The following NELL1 variants were observed in gnomAD, a reference collection of about 807,000 sequenced individuals.
The protein encoded by NELL1 is neural EGFL like 1.
A neutral mutation model predicts 107.4 loss-of-function variants in NELL1; 76 were observed. The ratio of observed to expected loss-of-function variants is 0.71; its 90% CI spans 0.59 to 0.86. The LOEUF (loss-of-function observed/expected upper bound fraction) is 0.86, where lower values mean the gene tolerates loss of function less well. Among genes scored for constraint, NELL1 ranks in the 40% least tolerant of loss-of-function variants. The pLI is 0.00. For synonymous variants in NELL1, 353 were observed against 341.2 expected (o/e 1.03, Z -0.38); for missense variants, 1,024 against 1,005.5 (o/e 1.02, Z -0.25).
Position 20,783,928 on chromosome 11 carries a change from A to C in NELL1, c.335+98A>C, listed in dbSNP as rs1856902718. On this transcript the variant is annotated intron_variant, in intron 3 of 19. Coordinates refer to ENST00000357134, the MANE Select transcript of NELL1 (RefSeq NM_006157.5). The stretch of plus-strand genomic sequence containing the variant: ...AGTTTGTAGCCCCATGAAAACTTTC[A>C]TCTAACTGAGGCCTCATTTCTGTTG... The C allele has an allele frequency of 3.4e-6, 4 of 1,189,206 alleles. No individual in the cohort carries two copies. In the Admixed American group the frequency reaches 1.1e-4, roughly 34 times the overall value. The allele number at this position is 1,189,206 out of a possible 1,614,324, so 73.7% of individuals were successfully genotyped here.
intron 15 of NELL1, among the ~76,000 whole-genome samples, chr11:21,481,508 C>T (rs899739275): frequency 1.3e-5 from 2 of 152,058 alleles, no homozygotes; most frequent in Admixed American, 6.6e-5. Flanking sequence ...GGAAACACAC[C>T]CTTATAATTC....
intron 14 of NELL1, among the ~76,000 whole-genome samples, chr11:21,368,260 G>T (rs1467447439): frequency 6.6e-6 from 1 of 151,690 alleles, no homozygotes; most frequent in African/African-American, 2.4e-5. Context: ...AATGTGACTA[G>T]TCTCAGGCAA....
At chr11:20,978,699 T>G (rs1033549275) in intron 12 of NELL1, among the ~76,000 whole-genome samples, 2 of 152,206 alleles carry the variant, frequency 1.3e-5, no homozygotes, top group African/African-American at 4.8e-5. Flanking sequence ...AGCAGAATAC[T>G]TAACCTGGCC....
intron 5 of NELL1, among the ~76,000 whole-genome samples, chr11:20,912,620 C>G (rs1161735558): frequency 6.6e-6 from 1 of 152,098 alleles, no homozygotes; most frequent in African/African-American, 2.4e-5. Context: ...CCAAGGCTCT[C>G]CTGTCTTTGT....
intron 14 of NELL1, among the ~76,000 whole-genome samples, chr11:21,279,168 G>A (rs570898922): frequency 4.8e-4 from 73 of 152,186 alleles, no homozygotes; most frequent in Non-Finnish European, 7.4e-4. Flanking sequence ...TGAAAAACTC[G>A]AACTCCTAGA....
At chr11:21,336,302 G>T (rs1001210747) in intron 14 of NELL1, among the ~76,000 whole-genome samples, 1 of 151,858 alleles carries the variant, frequency 6.6e-6, no homozygotes, top group African/African-American at 2.4e-5. Flanking sequence ...TTTATATACA[G>T]TATCTTATTG....
chr11:20,774,516 C>T (rs1328000992), intron 2 of NELL1, among the ~76,000 whole-genome samples: 1 of 141,798 alleles, frequency 7.1e-6, no homozygotes, highest in Non-Finnish European at 1.6e-5. Context: ...CAGGCATATG[C>T]TACCATGCCT....
intron 13 of NELL1, chr11:21,169,617 T>A: frequency 2.8e-6 from 1 of 356,294 alleles, no homozygotes; most frequent in Non-Finnish European, 5.1e-6. Flanking sequence ...TTTGCATGCA[T>A]TCTTTCCCAT....
intron 15 of NELL1, among the ~76,000 whole-genome samples, chr11:21,497,209 T>C (rs1331978622): frequency 6.7e-6 from 1 of 150,248 alleles, no homozygotes; most frequent in Middle Eastern, 3.2e-3. Flanking sequence ...CTAATGTAAA[T>C]GACGAGTTAA....
At chr11:21,386,276 T>G (rs1195466241) in intron 15 of NELL1, among the ~76,000 whole-genome samples, 1 of 151,862 alleles carries the variant, frequency 6.6e-6, no homozygotes, top group Non-Finnish European at 1.5e-5. Flanking sequence ...TTTTGTTCCT[T>G]TCCTGCTGGT....
chr11:20,699,371 T>A (rs546038717), intron 2 of NELL1, among the ~76,000 whole-genome samples: 87 of 152,050 alleles, frequency 5.7e-4, no homozygotes, highest in Non-Finnish European at 1.0e-3. Context: ...TTCTTTTTCT[T>A]TTTTTTTGAG....
intron 13 of NELL1, among the ~76,000 whole-genome samples, chr11:21,217,947 T>C (rs983045016): frequency 6.6e-6 from 1 of 152,106 alleles, no homozygotes; most frequent in Non-Finnish European, 1.5e-5. Flanking sequence ...AGACTTTCCA[T>C]GGACAGGAAA....
At chr11:21,075,534 A>C (rs1167088712) in intron 12 of NELL1, among the ~76,000 whole-genome samples, 1 of 152,066 alleles carries the variant, frequency 6.6e-6, no homozygotes, top group African/African-American at 2.4e-5. Context: ...GATACACTAC[A>C]ATGGTACAAT....
intron 15 of NELL1, among the ~76,000 whole-genome samples, chr11:21,401,747 A>T (rs549267935): frequency 6.6e-6 from 1 of 151,758 alleles, no homozygotes; most frequent in Non-Finnish European, 1.5e-5. Flanking sequence ...AACATGAGGA[A>T]GCACCAGGAA....
chr11:20,889,999 G>T (rs1442226082), intron 5 of NELL1, among the ~76,000 whole-genome samples: 2 of 152,142 alleles, frequency 1.3e-5, no homozygotes, highest in African/African-American at 4.8e-5. Flanking sequence ...CTCCACCAAT[G>T]GCCAAAATGC....
chr11:21,072,519 G>A (rs1426357213), intron 12 of NELL1, among the ~76,000 whole-genome samples: 2 of 152,138 alleles, frequency 1.3e-5, no homozygotes, highest in Non-Finnish European at 2.9e-5. Flanking sequence ...TCTTCATGCT[G>A]CAAGTTCTTG....
At chr11:21,308,540 A>G (rs1367360719) in intron 14 of NELL1, among the ~76,000 whole-genome samples, 2 of 152,058 alleles carry the variant, frequency 1.3e-5, no homozygotes, top group African/African-American at 4.8e-5. Context: ...TTATTCTTTT[A>G]TCATGGAGCT....
At chr11:20,945,007 G>A (rs970397141) in intron 10 of NELL1, among the ~76,000 whole-genome samples, 1 of 152,170 alleles carries the variant, frequency 6.6e-6, no homozygotes, top group Non-Finnish European at 1.5e-5. Context: ...AGGGGAAAAT[G>A]TAAGGAAGAA....
rs548192577 is a variant in NELL1 at position 21,530,050 on chromosome 11, A to C, written c.1646-4324A>C. ...TGGAGGGCAGAGACCTTATCTCTCT[A>C]TGTCTGCATCAGAGGATATAATACA... On this transcript the variant is annotated intron_variant, in intron 15 of 19. Transcript: ENST00000357134. Among the ~76,000 whole-genome samples, 38 of 152,244 alleles carry C rather than the reference A, an allele frequency of 2.5e-4. 1 individual carries two copies. The South Asian group carries it at 5.8e-3, about 23-fold the overall frequency.
Sources: gnomAD v4.1 joint callset for allele counts (sites outside exome capture counted in the v4.1 genomes callset) on GRCh38, gnomAD v4.1.1 for gene constraint, MANE v1.5 for transcripts, NCBI Gene and HGNC (gene_info 2026-07-23, HGNC 2026-07-21) for gene names.